The following NSG1 variants were observed in gnomAD, a reference collection of about 807,000 sequenced individuals.
NSG1 encodes the protein neuronal vesicle trafficking-associated protein 1.
A neutral mutation model predicts 19.3 loss-of-function variants in NSG1; 9 were observed. That is an observed-to-expected ratio of 0.47 (90% CI 0.28 to 0.81). The LOEUF is 0.81. NSG1 is among the 40% of genes least tolerant of loss of function. The probability of loss-of-function intolerance (pLI) is 0.11; values close to 1 mark genes in which losing one functional copy is unlikely to be tolerated. For synonymous variants in NSG1, 104 were observed against 107.0 expected (o/e 0.97, Z 0.17); for missense variants, 236 against 242.4 (o/e 0.97, Z 0.18).
chr4:4,408,058 G>A (rs1203570518), intron 3 of NSG1, among the ~76,000 whole-genome samples: 2 of 152,148 alleles, frequency 1.3e-5, no homozygotes, highest in African/African-American at 4.8e-5. Context: ...TGCCTGGGAC[G>A]CCCTTGGTCT....
intron 1 of NSG1, 90 bp downstream of exon 1, chr4:4,387,263 C>T: frequency 4.8e-6 from 1 of 206,960 alleles, no homozygotes; most frequent in Non-Finnish European, 9.6e-6. Flanking sequence ...TCCCGGAGTA[C>T]GCGGGACGGG....
intron 3 of NSG1, among the ~76,000 whole-genome samples, chr4:4,394,501 C>T (rs2108728616): frequency 6.6e-6 from 1 of 152,258 alleles, no homozygotes; most frequent in South Asian, 2.1e-4. Flanking sequence ...ACTGGGTGTC[C>T]TGGCAAGGTC....
chr4:4,402,047 ATTTTTTT>A (rs35299425), intron 3 of NSG1, among the ~76,000 whole-genome samples: 4 of 122,328 alleles, frequency 3.3e-5, no homozygotes, highest in Non-Finnish European at 5.1e-5. Context: ...TGCCCAGCTA[ATTTTTTT>A]TTTTTTTTTT....
chr4:4,404,506 T>G (rs1723745140), intron 3 of NSG1, among the ~76,000 whole-genome samples: 1 of 125,086 alleles, frequency 8.0e-6, no homozygotes, highest in African/African-American at 4.9e-5. Flanking sequence ...TATCTCACTT[T>G]TAGTCCCTGG....
intron 2 of NSG1, among the ~76,000 whole-genome samples, chr4:4,388,483 T>C (rs1297549605): frequency 1.3e-5 from 2 of 152,248 alleles, no homozygotes; most frequent in South Asian, 2.1e-4. Flanking sequence ...CTAAGAATAA[T>C]ATTTCCAAGA....
chr4:4,403,175 G>A (rs4234747), intron 3 of NSG1, among the ~76,000 whole-genome samples: 127,200 of 152,232 alleles, frequency 0.84, 53,276 homozygotes, highest in East Asian at 0.96. Flanking sequence ...CCCTGCCCTC[G>A]GGGGCTCCAT....
intron 4 of NSG1, among the ~76,000 whole-genome samples, chr4:4,413,060 G>A (rs907069091): frequency 2.0e-5 from 3 of 149,302 alleles, no homozygotes; most frequent in African/African-American, 7.5e-5. Context: ...TCCTCCCTTG[G>A]GCAGGCATGT....
chr4:4,396,020 C>T (rs961610999), intron 3 of NSG1, among the ~76,000 whole-genome samples: 6 of 152,196 alleles, frequency 3.9e-5, no homozygotes, highest in African/African-American at 1.4e-4. Context: ...AGAGACTCCG[C>T]CACACGGGAT....
At chr4:4,397,115 A>G (rs2108732624) in intron 3 of NSG1, among the ~76,000 whole-genome samples, 1 of 150,740 alleles carries the variant, frequency 6.6e-6, no homozygotes, top group South Asian at 2.1e-4. Context: ...AAACGCTTGA[A>G]GATGTCGGGA....
intron 4 of NSG1, chr4:4,416,054 CTG>C (rs1724514073): frequency 1.1e-5 from 8 of 701,888 alleles, no homozygotes; most frequent in Middle Eastern, 2.3e-4. Context: ...TCTGTCCACA[CTG>C]TGACCTGGGG....
intron 3 of NSG1, among the ~76,000 whole-genome samples, chr4:4,399,547 T>C (rs1723439670): frequency 1.3e-5 from 2 of 152,200 alleles, no homozygotes; most frequent in Admixed American, 1.3e-4. Context: ...GATATGTGAT[T>C]TGTAAATATT....
chr4:4,403,845 C>T (rs954439197), intron 3 of NSG1, among the ~76,000 whole-genome samples: 4 of 152,220 alleles, frequency 2.6e-5, no homozygotes, highest in African/African-American at 9.6e-5. Flanking sequence ...TCCAGAGCTC[C>T]TCCTAATGGT....
At chr4:4,389,169 A>C (rs1722878971) in intron 2 of NSG1, among the ~76,000 whole-genome samples, 2 of 152,242 alleles carry the variant, frequency 1.3e-5, no homozygotes, top group East Asian at 1.9e-4. Flanking sequence ...ACTTGGCCTG[A>C]GCCTCCTCTC....
At chr4:4,407,557 A>C (rs7682748) in intron 3 of NSG1, among the ~76,000 whole-genome samples, 16,704 of 152,168 alleles carry the variant, frequency 0.11, 2,961 homozygotes, top group African/African-American at 0.37. Flanking sequence ...ATCTGACTGC[A>C]GAGAGGCCAC....
chr4:4,414,521 A>T (rs56933446), intron 4 of NSG1, among the ~76,000 whole-genome samples: 1 of 151,754 alleles, frequency 6.6e-6, no homozygotes. Context: ...AAGGAGAGGC[A>T]TGAGCTCATG....
At chr4:4,410,144 G>T (rs558040841) in intron 4 of NSG1, among the ~76,000 whole-genome samples, 34 of 152,332 alleles carry the variant, frequency 2.2e-4, no homozygotes, top group African/African-American at 7.9e-4. Context: ...AGGGAAAGGG[G>T]AGCAGGGCTG....
chr4:4,395,311 C>T (rs1018907706), intron 3 of NSG1, among the ~76,000 whole-genome samples: 19 of 152,278 alleles, frequency 1.2e-4, no homozygotes, highest in African/African-American at 4.6e-4. Context: ...AAATGCTTTC[C>T]AGGTGATCCT....
chr4:4,413,352 G>A (rs779864344), intron 4 of NSG1, among the ~76,000 whole-genome samples: 2 of 151,698 alleles, frequency 1.3e-5, no homozygotes, highest in Non-Finnish European at 2.9e-5. Flanking sequence ...GGTCTTGGGG[G>A]AGTGTGCCCA....
At chr4:4,407,491 G>A (rs1219951952) in intron 3 of NSG1, among the ~76,000 whole-genome samples, 1 of 152,156 alleles carries the variant, frequency 6.6e-6, no homozygotes. Context: ...GTCCTGCCCC[G>A]GGCACTGTGC....
Sources: allele counts gnomAD v4.1 joint callset (sites outside exome capture counted in the v4.1 genomes callset), GRCh38; gene constraint gnomAD v4.1.1; transcripts MANE v1.5; gene names NCBI Gene and HGNC (gene_info 2026-07-23, HGNC 2026-07-21).